The following SHANK2 variants were observed in gnomAD, a reference collection of about 807,000 sequenced individuals.
SHANK2 encodes SH3 and multiple ankyrin repeat domains 2.
Under a neutral mutation model 133.7 loss-of-function variants are expected in SHANK2, and 43 were observed. The observed-to-expected ratio is 0.32, with a 90% CI of 0.25 to 0.41. The LOEUF is 0.41. Among genes scored for constraint, SHANK2 ranks in the 10% least tolerant of loss-of-function variants. The pLI is 1.00. For synonymous variants in SHANK2, 1,017 were observed against 952.8 expected (o/e 1.07, Z -1.24); for missense variants, 1,994 against 2,235.8 (o/e 0.89, Z 2.18).
chr11:70,856,433 A>C (rs1256600867), intron 11 of SHANK2, among the ~76,000 whole-genome samples: 1 of 151,272 alleles, frequency 6.6e-6, no homozygotes, highest in African/African-American at 2.4e-5. Context: ...TGGATGGATA[A>C]ATTAACAGAT....
intron 2 of SHANK2, among the ~76,000 whole-genome samples, chr11:71,200,333 G>A (rs757549861): frequency 6.6e-6 from 1 of 152,190 alleles, no homozygotes; most frequent in Admixed American, 6.5e-5. Flanking sequence ...CCCATCACAT[G>A]GGTACACCAC....
At chr11:70,813,767 T>G (rs1487580523) in intron 12 of SHANK2, among the ~76,000 whole-genome samples, 2 of 152,176 alleles carry the variant, frequency 1.3e-5, no homozygotes, top group Admixed American at 1.3e-4. Flanking sequence ...TGTCATCTCC[T>G]GTCTGGTCAA....
At position 71,059,967 on chromosome 11, in the gene SHANK2, C is replaced by T. The variant is rs996256178; in HGVS notation, c.1030-3409G>A. The stretch of plus-strand genomic sequence containing the variant: ...CAGGCATGTGGAAGTGAGTGTGGAC[C>T]GCTCCACAGACCGTGCTGAGTGTTC... On this transcript the variant is annotated intron_variant, in intron 9 of 25. Transcript: ENST00000601538. Among the ~76,000 whole-genome samples, 1,135 of 152,220 alleles carry T rather than the reference C, an allele frequency of 7.5e-3. 23 individuals carry two copies. Among genetic ancestry groups the T allele is most frequent in the African/African-American group, 0.026 (1,095 of 41,540 alleles).
intron 15 of SHANK2, among the ~76,000 whole-genome samples, chr11:70,664,033 GCTGC>G (rs1277648249): frequency 1.3e-5 from 2 of 152,166 alleles, no homozygotes; most frequent in Non-Finnish European, 2.9e-5. Flanking sequence ...CCCTGTGACG[GCTGC>G]CATTAACCTC....
intron 17 of SHANK2, among the ~76,000 whole-genome samples, chr11:70,612,587 C>T (rs544359599): frequency 1.1e-4 from 17 of 152,260 alleles, no homozygotes; most frequent in South Asian, 2.1e-4. Context: ...CAAGGTTAAA[C>T]GAAACTCCAC....
intron 17 of SHANK2, among the ~76,000 whole-genome samples, chr11:70,576,586 G>A (rs1345763664): frequency 2.6e-5 from 4 of 152,058 alleles, no homozygotes; most frequent in African/African-American, 4.8e-5. Context: ...GCAGTGAGCC[G>A]AGATCTTGCC....
At chr11:70,845,198 C>CAAAAAAAA (rs782471301) in intron 11 of SHANK2, among the ~76,000 whole-genome samples, 9 of 51,578 alleles carry the variant, frequency 1.7e-4, no homozygotes, top group East Asian at 5.7e-4. Context: ...GACTCTGTCT[C>CAAAAAAAA]AAAAAAAAAA....
At chr11:71,220,000 A>C in intron 2 of SHANK2, among the ~76,000 whole-genome samples, 1 of 152,086 alleles carries the variant, frequency 6.6e-6, no homozygotes, top group East Asian at 1.9e-4. Context: ...GAGGTGGGTC[A>C]ATTGCTTGAG....
intron 17 of SHANK2, among the ~76,000 whole-genome samples, chr11:70,632,279 G>A (rs1031448127): frequency 1.3e-4 from 19 of 151,874 alleles, no homozygotes; most frequent in Admixed American, 3.9e-4. Context: ...CCACCATCAC[G>A]CCCGGCTAAT....
intron 25 of SHANK2, among the ~76,000 whole-genome samples, chr11:70,481,109 C>T (rs569053756): frequency 6.6e-6 from 1 of 152,334 alleles, no homozygotes; most frequent in African/African-American, 2.4e-5. Flanking sequence ...AATAATCAGG[C>T]CAGGTGGTCC....
At chr11:70,675,965 A>G (rs1462265632) in intron 15 of SHANK2, among the ~76,000 whole-genome samples, 6 of 152,202 alleles carry the variant, frequency 3.9e-5, no homozygotes, top group African/African-American at 1.4e-4. Context: ...TCAGAAGACA[A>G]GGCATCTCCT....
chr11:71,223,659 C>T (rs1555121694), intron 2 of SHANK2, among the ~76,000 whole-genome samples: 2 of 152,150 alleles, frequency 1.3e-5, no homozygotes, highest in Non-Finnish European at 2.9e-5. Flanking sequence ...CCTTTGGATG[C>T]CGAGGGATGA....
chr11:70,924,820 A>G (rs61885543), intron 10 of SHANK2, among the ~76,000 whole-genome samples: 294 of 152,356 alleles, frequency 1.9e-3, no homozygotes, highest in Non-Finnish European at 3.5e-3. Context: ...ACAAAACCTT[A>G]TAAGAGAAAT....
At chr11:70,633,335 G>T (rs1159946886) in intron 17 of SHANK2, among the ~76,000 whole-genome samples, 1 of 151,146 alleles carries the variant, frequency 6.6e-6, no homozygotes, top group African/African-American at 2.4e-5. Flanking sequence ...ATGACATACT[G>T]GTGAGGAAGA....
intron 10 of SHANK2, among the ~76,000 whole-genome samples, chr11:70,911,660 A>T (rs1425510748): frequency 3.9e-5 from 6 of 152,198 alleles, no homozygotes; most frequent in Non-Finnish European, 8.8e-5. Flanking sequence ...AACTGGAGAC[A>T]TCAGCCTCAC....
At chr11:70,587,358 C>A (rs577591523) in intron 17 of SHANK2, among the ~76,000 whole-genome samples, 1 of 152,058 alleles carries the variant, frequency 6.6e-6, no homozygotes, top group African/African-American at 2.4e-5. Flanking sequence ...AGGGGAGAAG[C>A]GGGGAGAGCG....
rs2058570237 is a variant in SHANK2 at position 70,469,366 on chromosome 11, C to G, written c.*3503G>C. 1 of 152,590 alleles carries G rather than the reference C, an allele frequency of 6.6e-6. No individual in the cohort carries two copies. The highest frequency in any genetic ancestry group is 2.4e-5 in the African/African-American group (1 of 41,430). The allele number at this position is 152,590 out of a possible 1,614,324, so 9.5% of individuals were successfully genotyped here. A position where few individuals can be genotyped will look rare whatever the true frequency, so the allele number is the denominator to read the frequency against. On this transcript the variant is annotated 3_prime_UTR_variant, in exon 26 of 26. Transcript: ENST00000601538. The stretch of plus-strand genomic sequence containing the variant: ...GCCTGAGATAATCTACATTAGATTG[C>G]AAGTCGGGCAGCTTTTTGTTTAATT...
chr11:71,073,147 C>CTTTCTTTTTTTTTTTTTTTT (rs1951166746), intron 9 of SHANK2, among the ~76,000 whole-genome samples: 1 of 62,716 alleles, frequency 1.6e-5, no homozygotes, highest in African/African-American at 4.2e-5. Flanking sequence ...TTTTTCTTTT[C>CTTTCTTTTTTTTTTTTTTTT]TTTTTTTTCT....
chr11:70,908,369 G>A (rs1044156307), intron 10 of SHANK2, among the ~76,000 whole-genome samples: 1 of 152,170 alleles, frequency 6.6e-6, no homozygotes, highest in Non-Finnish European at 1.5e-5. Flanking sequence ...AGCAGACCAG[G>A]CTGGCTTCCT....
Sources: gnomAD v4.1 joint callset for allele counts (sites outside exome capture counted in the v4.1 genomes callset) on GRCh38, gnomAD v4.1.1 for gene constraint, MANE v1.5 for transcripts, NCBI Gene and HGNC (gene_info 2026-07-23, HGNC 2026-07-21) for gene names.